The following CD53 variants were observed in gnomAD, a reference collection of about 807,000 sequenced individuals.
The protein encoded by CD53 is leukocyte surface antigen CD53.
Under a neutral mutation model 27.3 loss-of-function variants are expected in CD53, and 20 were observed. That is an observed-to-expected ratio of 0.73 (90% confidence interval 0.52 to 1.07). The LOEUF is 1.07. Among genes scored for constraint, CD53 ranks in the 50% least tolerant of loss-of-function variants. The probability of loss-of-function intolerance (pLI) is 0.00; values close to 1 mark genes in which losing one functional copy is unlikely to be tolerated. For missense variants in CD53, 216 were observed against 264.0 expected, an observed-to-expected ratio of 0.82 and a Z score of 1.26; for synonymous variants, 106 against 105.3, an observed-to-expected ratio of 1.01 and a Z score of -0.04.
At chr1:110,890,084 C>G (rs1307653573) in intron 1 of CD53, among the ~76,000 whole-genome samples, 1 of 152,102 alleles carries the variant, frequency 6.6e-6, no homozygotes, top group Non-Finnish European at 1.5e-5. Context: ...TCCCTCAAGA[C>G]CATGTGATTC....
rs1398224847 is a variant in CD53 at position 110,895,019 on chromosome 1, T to C, written c.387T>C (p.Asn129=). The change falls in exon 5 of 8, where the codon AAT becomes AAC. Residue 129 remains asparagine, a synonymous_variant. Transcript: ENST00000271324. ...TDSIHRYHSD[N]STKAAWDSIQ... Reference sequence around the variant, plus strand: ...GCATCCACCGTTACCACTCAGACAATAGCACCAAGGCAGCGTGGGACTCCA... The same window carrying C: ...GCATCCACCGTTACCACTCAGACAACAGCACCAAGGCAGCGTGGGACTCCA... 2 of 1,613,976 alleles carry C rather than the reference T, an allele frequency of 1.2e-6. No homozygotes were observed. Among genetic ancestry groups the C allele is most frequent in the African/African-American group, 1.3e-5 (1 of 75,036 alleles).
At chr1:110,886,957 T>C (rs993394674) in intron 1 of CD53, among the ~76,000 whole-genome samples, 6 of 150,994 alleles carry the variant, frequency 4.0e-5, no homozygotes, top group Non-Finnish European at 7.4e-5. Context: ...ATATCTAATC[T>C]GCCATTAATC....
intron 1 of CD53, among the ~76,000 whole-genome samples, chr1:110,885,428 C>T (rs1277861794): frequency 1.3e-5 from 2 of 152,164 alleles, no homozygotes; most frequent in East Asian, 1.9e-4. Context: ...GTCCTAGCCA[C>T]TCGGGAGGCT....
chr1:110,879,970 A>G (rs570143455), intron 1 of CD53, among the ~76,000 whole-genome samples: 1 of 152,320 alleles, frequency 6.6e-6, no homozygotes, highest in East Asian at 1.9e-4. Context: ...CAAAAAAAAG[A>G]CAGGGATGGA....
chr1:110,895,500 A>G (rs1657024081), intron 5 of CD53, among the ~76,000 whole-genome samples: 1 of 152,172 alleles, frequency 6.6e-6, no homozygotes, highest in South Asian at 2.1e-4. Flanking sequence ...AGCATATACA[A>G]GCTCTGCATT....
At chr1:110,899,062 G>A in intron 7 of CD53, 62 bp from the exon 8 acceptor site, 1 of 1,260,690 alleles carries the variant, frequency 7.9e-7, no homozygotes, top group East Asian at 2.3e-5. Context: ...GCCAATCCCA[G>A]GCATTGTGAA....
At chr1:110,881,541 A>G (rs1656353892) in intron 1 of CD53, among the ~76,000 whole-genome samples, 2 of 152,200 alleles carry the variant, frequency 1.3e-5, no homozygotes, top group Non-Finnish European at 2.9e-5. Flanking sequence ...TTGGGCTATT[A>G]CAAATAATAC....
chr1:110,896,229 C>G (rs970137613), intron 5 of CD53, among the ~76,000 whole-genome samples: 1 of 152,198 alleles, frequency 6.6e-6, no homozygotes, highest in East Asian at 1.9e-4. Flanking sequence ...GCCCCATGAA[C>G]TTAAAAGTTT....
chr1:110,894,405 A>G lies in CD53; in HGVS notation c.327+4A>G. ...GCTCTTTGTATATGAACAGAAGGTA[A>G]GTTATAAAGACAACAACTTATTGTC... On this transcript the variant is annotated splice_donor_region_variant and intron_variant, in intron 4 of 7. Transcript: ENST00000271324. 6.2e-7 allele frequency: 1 copy of G among 1,609,702 alleles called. No individual in the cohort carries two copies. Among genetic ancestry groups the G allele is most frequent in the South Asian group, 1.1e-5 (1 of 91,014 alleles).
intron 1 of CD53, among the ~76,000 whole-genome samples, chr1:110,885,552 A>AAAC (rs1409969118): frequency 3.3e-5 from 5 of 149,832 alleles, no homozygotes; most frequent in African/African-American, 4.9e-5. Context: ...AACAAAAAAC[A>AAAC]AACAACAACA....
intron 1 of CD53, among the ~76,000 whole-genome samples, chr1:110,881,221 C>G (rs1198878005): frequency 6.6e-6 from 1 of 152,140 alleles, no homozygotes; most frequent in Admixed American, 6.5e-5. Context: ...CCCTTTCTCT[C>G]ACCCTTCCCT....
At position 110,894,364 on chromosome 1, in the gene CD53, T is replaced by C; in HGVS notation, c.290T>C (p.Val97Ala). 7 of 1,614,106 alleles carry C rather than the reference T, an allele frequency of 4.3e-6. No homozygotes were observed. The highest frequency in any genetic ancestry group is 5.9e-6 in the Non-Finnish European group (7 of 1,179,960). Residue 97 changes from valine (V) to alanine (A), a missense_variant, in exon 4 of 8, where the codon GTG (valine) becomes GCG (alanine). By Grantham distance (64) the Val-to-Ala change is moderately conservative. Coordinates refer to ENST00000271324, the MANE Select transcript of CD53 (RefSeq NM_000560.4). ...ILLLIILLAE[V>A]TLAILLFVYE... The stretch of plus-strand genomic sequence containing the variant: ...CTGCTGATTATCCTCCTTGCTGAGG[T>C]GACCTTGGCCATCCTGCTCTTTGTA...
chr1:110,887,057 T>C (rs1443215512), intron 1 of CD53, among the ~76,000 whole-genome samples: 1 of 68,350 alleles, frequency 1.5e-5, no homozygotes, highest in Non-Finnish European at 4.2e-5. Context: ...TCTCTATTTA[T>C]GTTTATTTTA....
At chr1:110,871,338 T>C (rs1207865815), upstream of CD53, among the ~76,000 whole-genome samples, 1 of 152,114 alleles carries the variant, frequency 6.6e-6, no homozygotes, top group Non-Finnish European at 1.5e-5. Flanking sequence ...GGCAAAAGCA[T>C]AACTGACAGG....
At chr1:110,890,330 G>T (rs1358613561) in intron 1 of CD53, among the ~76,000 whole-genome samples, 2 of 152,202 alleles carry the variant, frequency 1.3e-5, no homozygotes, top group African/African-American at 4.8e-5. Context: ...ACTTTGGGAG[G>T]CCGAGGCAGG....
At chr1:110,894,240 C>A in intron 3 of CD53, 87 bp from the exon 4 acceptor site, 1 of 1,161,868 alleles carries the variant, frequency 8.6e-7, no homozygotes, top group Non-Finnish European at 1.3e-6. Context: ...TGTACTCGTG[C>A]AAATGCCCCT....
At chr1:110,880,900 C>G (rs1656329361) in intron 1 of CD53, among the ~76,000 whole-genome samples, 1 of 152,086 alleles carries the variant, frequency 6.6e-6, no homozygotes, top group Non-Finnish European at 1.5e-5. Flanking sequence ...ACAGAGAGGA[C>G]TTCCTGGAAA....
intron 1 of CD53, chr1:110,880,405 GTTC>G (rs1243033573): frequency 6.6e-6 from 1 of 151,960 alleles, no homozygotes; most frequent in African/African-American, 2.4e-5. Flanking sequence ...GGAAGAAGAG[GTTC>G]TTCTTCCTGT....
intron 1 of CD53, among the ~76,000 whole-genome samples, chr1:110,887,791 G>A (rs998665857): frequency 6.6e-6 from 1 of 152,178 alleles, no homozygotes; most frequent in East Asian, 1.9e-4. Flanking sequence ...CTATCCTTGG[G>A]CAGTTTTGTA....
Sources: gnomAD v4.1 joint callset for allele counts (sites outside exome capture counted in the v4.1 genomes callset) on GRCh38, gnomAD v4.1.1 for gene constraint, MANE v1.5 for transcripts, NCBI Gene and HGNC (gene_info 2026-07-23, HGNC 2026-07-21) for gene names.